The following FYN variants were observed in gnomAD, a reference collection of about 807,000 sequenced individuals.
The protein encoded by FYN is tyrosine-protein kinase Fyn.
A neutral mutation model predicts 70.2 loss-of-function variants in FYN; 10 were observed. That is an observed-to-expected ratio of 0.14 (90% CI 0.09 to 0.24). The LOEUF is 0.24. Ranked by LOEUF, FYN falls within the 10% of genes least tolerant of loss-of-function variation. FYN has a pLI of 1.00. For synonymous variants in FYN, 236 were observed against 248.6 expected (o/e 0.95, Z 0.48); for missense variants, 319 against 673.1 (o/e 0.47, Z 5.82).
intron 3 of FYN, among the ~76,000 whole-genome samples, chr6:111,727,756 A>G (rs1463538095): frequency 6.6e-6 from 1 of 152,224 alleles, no homozygotes; most frequent in East Asian, 1.9e-4. Context: ...CCGCACAGCA[A>G]GGGAACCAAA....
At chr6:111,817,147 A>C (rs1407332312) in intron 2 of FYN, among the ~76,000 whole-genome samples, 1 of 152,184 alleles carries the variant, frequency 6.6e-6, no homozygotes, top group Non-Finnish European at 1.5e-5. Flanking sequence ...ATTACATGAA[A>C]TCATATATTT....
chr6:111,756,201 C>T (rs1802726470), intron 3 of FYN, among the ~76,000 whole-genome samples: 1 of 151,956 alleles, frequency 6.6e-6, no homozygotes, highest in Non-Finnish European at 1.5e-5. Flanking sequence ...CAGCACACTA[C>T]TATGAAGAAA....
intron 3 of FYN, among the ~76,000 whole-genome samples, chr6:111,726,443 G>C (rs1377735456): frequency 6.6e-6 from 1 of 152,120 alleles, no homozygotes; most frequent in Non-Finnish European, 1.5e-5. Context: ...CTAAAACACA[G>C]GTATTACTAT....
chr6:111,815,203 G>C (rs575650136), intron 2 of FYN, among the ~76,000 whole-genome samples: 1 of 152,284 alleles, frequency 6.6e-6, no homozygotes, highest in African/African-American at 2.4e-5. Context: ...GGTCAGCCCA[G>C]CAACACCTCC....
chr6:111,790,959 T>C (rs1334104789), intron 2 of FYN, among the ~76,000 whole-genome samples: 3 of 152,248 alleles, frequency 2.0e-5, no homozygotes, highest in Non-Finnish European at 2.9e-5. Context: ...GGAAGTCCAA[T>C]ATTTTTATAT....
At chr6:111,850,891 C>G (rs1773666816) in intron 1 of FYN, among the ~76,000 whole-genome samples, 2 of 152,210 alleles carry the variant, frequency 1.3e-5, no homozygotes, top group East Asian at 1.9e-4. Context: ...TGTTGTGGAG[C>G]ATTCCTCATT....
intron 1 of FYN, 120 bp downstream of exon 1, chr6:111,872,848 G>A (rs61202914): frequency 0.077 from 11,687 of 151,414 alleles, 674 homozygotes; most frequent in East Asian, 0.34. Flanking sequence ...GCGCCCTGGC[G>A]GCCAAGGGAC....
At chr6:111,866,807 G>T (rs1229997561) in intron 1 of FYN, among the ~76,000 whole-genome samples, 1 of 152,194 alleles carries the variant, frequency 6.6e-6, no homozygotes, top group East Asian at 1.9e-4. Context: ...CATGGCCTGT[G>T]CCCATGAAAA....
chr6:111,703,312 C>T (rs530655128), intron 7 of FYN, among the ~76,000 whole-genome samples: 6 of 152,150 alleles, frequency 3.9e-5, no homozygotes, highest in East Asian at 1.9e-4. Flanking sequence ...CATAATACAG[C>T]GTAGACTCAA....
chr6:111,857,907 G>A (rs538887421), intron 1 of FYN, among the ~76,000 whole-genome samples: 25 of 152,288 alleles, frequency 1.6e-4, no homozygotes, highest in Middle Eastern at 3.4e-3. Context: ...TCTGTGGGAT[G>A]TCTTGTTCCT....
intron 2 of FYN, among the ~76,000 whole-genome samples, chr6:111,783,482 T>C (rs1309172267): frequency 6.6e-6 from 1 of 152,242 alleles, no homozygotes; most frequent in South Asian, 2.1e-4. Flanking sequence ...CCAATAAAAA[T>C]AGCTGAATGA....
intron 6 of FYN, among the ~76,000 whole-genome samples, chr6:111,706,052 A>G (rs185675618): frequency 1.1e-4 from 17 of 152,308 alleles, no homozygotes; most frequent in Admixed American, 1.1e-3. Flanking sequence ...GGTGTTGCAG[A>G]TATTTCAATA....
At position 111,755,300 on chromosome 6, in the gene FYN, T is replaced by TA. The variant is rs1048798682; in HGVS notation, c.-12+25265dup. 7.2e-4 allele frequency among the ~76,000 whole-genome samples: 109 copies of TA among 151,810 alleles called. 1 individual carries two copies. The highest frequency in any genetic ancestry group is 2.2e-3 in the African/African-American group (90 of 41,394). On this transcript the variant is annotated intron_variant, in intron 3 of 13. Transcript: ENST00000354650. ...ATTCATAGCTGCTTAGAAGCCAAAATAAAAAAAACCAGTATTTTGAGGGAA... is the reference window on the plus strand; with the variant it reads ...ATTCATAGCTGCTTAGAAGCCAAAATAAAAAAAAACCAGTATTTTGAGGGAA...
At chr6:111,682,791 C>T (rs1798832917) in intron 12 of FYN, among the ~76,000 whole-genome samples, 1 of 152,170 alleles carries the variant, frequency 6.6e-6, no homozygotes, top group Non-Finnish European at 1.5e-5. Flanking sequence ...GTCTCAGTTT[C>T]CTTGTCTGTA....
At chr6:111,702,707 T>G (rs565351050) in intron 8 of FYN, 178 bp downstream of exon 8, 6 of 475,238 alleles carry the variant, frequency 1.3e-5, no homozygotes, top group African/African-American at 2.0e-5. Flanking sequence ...ATAACAACAG[T>G]AGAACAATAG....
chr6:111,697,719 C>T (rs190269373), intron 9 of FYN, among the ~76,000 whole-genome samples: 10 of 152,326 alleles, frequency 6.6e-5, no homozygotes, highest in African/African-American at 2.4e-4. Flanking sequence ...CAAACTTCGT[C>T]AATTACACAG....
At chr6:111,855,829 T>C (rs1027833342) in intron 1 of FYN, among the ~76,000 whole-genome samples, 13 of 152,184 alleles carry the variant, frequency 8.5e-5, no homozygotes, top group African/African-American at 2.7e-4. Flanking sequence ...AAATAAGGCT[T>C]GTAAACAGAA....
chr6:111,713,471 G>A (rs1800480994), intron 5 of FYN, among the ~76,000 whole-genome samples: 2 of 152,002 alleles, frequency 1.3e-5, no homozygotes, highest in South Asian at 4.2e-4. Context: ...CCCCTGGGTG[G>A]CATTCTTTCC....
At chr6:111,848,025 A>G (rs993360238) in intron 1 of FYN, among the ~76,000 whole-genome samples, 1 of 152,226 alleles carries the variant, frequency 6.6e-6, no homozygotes, top group African/African-American at 2.4e-5. Context: ...CCCACTAGGG[A>G]TCTAGACACT....
Sources: allele counts gnomAD v4.1 joint callset (sites outside exome capture counted in the v4.1 genomes callset), GRCh38; gene constraint gnomAD v4.1.1; transcripts MANE v1.5; gene names NCBI Gene and HGNC (gene_info 2026-07-23, HGNC 2026-07-21).